The following IGSF21 variants were observed in gnomAD, a reference collection of about 807,000 sequenced individuals.
The protein encoded by IGSF21 is immunoglobulin superfamily member 21.
In IGSF21, 28 loss-of-function variants were observed where a neutral mutation model predicts 46.8. The observed-to-expected ratio is 0.60, with a 90% CI of 0.44 to 0.82. IGSF21 has a LOEUF of 0.82. Ranked by LOEUF, IGSF21 falls within the 40% of genes least tolerant of loss-of-function variation. The pLI is 0.00. For synonymous variants in IGSF21, 284 were observed against 273.6 expected (o/e 1.04, Z -0.38); for missense variants, 624 against 665.5 (o/e 0.94, Z 0.69).
chr1:18,273,039 CTTTTTT>C (rs760448516), intron 2 of IGSF21, among the ~76,000 whole-genome samples: 18 of 80,720 alleles, frequency 2.2e-4, no homozygotes, highest in Admixed American at 1.3e-3. Flanking sequence ...CCAGACGGAT[CTTTTTT>C]TTTTTTTTTT....
At chr1:18,275,878 G>T (rs2085095434) in intron 2 of IGSF21, among the ~76,000 whole-genome samples, 1 of 152,110 alleles carries the variant, frequency 6.6e-6, no homozygotes, top group South Asian at 2.1e-4. Flanking sequence ...GATTCAGGGA[G>T]ACCTCCCACT....
At chr1:18,338,909 G>A (rs1044957471) in intron 4 of IGSF21, among the ~76,000 whole-genome samples, 4 of 152,046 alleles carry the variant, frequency 2.6e-5, no homozygotes, top group Admixed American at 2.6e-4. Flanking sequence ...GGGGGAGGGA[G>A]CGTGTTAAGG....
At chr1:18,167,919 A>C (rs748104947) in intron 1 of IGSF21, among the ~76,000 whole-genome samples, 1 of 152,046 alleles carries the variant, frequency 6.6e-6, no homozygotes, top group Non-Finnish European at 1.5e-5. Context: ...CTCCTCCTGC[A>C]CGTTCCTCAT....
intron 2 of IGSF21, among the ~76,000 whole-genome samples, chr1:18,256,686 T>C (rs1320526922): frequency 6.6e-6 from 1 of 152,210 alleles, no homozygotes; most frequent in Non-Finnish European, 1.5e-5. Flanking sequence ...GGAGGTTCAC[T>C]GGGAAGGCTT....
intron 3 of IGSF21, among the ~76,000 whole-genome samples, chr1:18,329,211 TCA>T (rs904037005): frequency 7.9e-5 from 12 of 152,194 alleles, no homozygotes; most frequent in Admixed American, 7.9e-4. Flanking sequence ...TGCCACCTAC[TCA>T]CTCTATGTAG....
intron 2 of IGSF21, among the ~76,000 whole-genome samples, chr1:18,238,385 A>G (rs945684856): frequency 6.6e-6 from 1 of 152,224 alleles, no homozygotes; most frequent in African/African-American, 2.4e-5. Flanking sequence ...ACCACAGCTC[A>G]GTCAGCCTGG....
At chr1:18,132,161 CTGGATGAA>C (rs2086327104) in intron 1 of IGSF21, among the ~76,000 whole-genome samples, 3 of 94,630 alleles carry the variant, frequency 3.2e-5, no homozygotes, top group African/African-American at 4.1e-5. Context: ...TATCCAATAT[CTGGATGAA>C]TGGATGGATG....
At chr1:18,218,550 A>T (rs909768634) in intron 1 of IGSF21, among the ~76,000 whole-genome samples, 2 of 152,270 alleles carry the variant, frequency 1.3e-5, no homozygotes, top group Admixed American at 6.5e-5. Context: ...TATTTGAAAA[A>T]TCTGAAAAGT....
intron 3 of IGSF21, among the ~76,000 whole-genome samples, chr1:18,298,871 C>T (rs776113851): frequency 2.0e-5 from 3 of 152,178 alleles, no homozygotes; most frequent in Non-Finnish European, 4.4e-5. Context: ...TCCTCCAAGG[C>T]TCAGCTATAT....
At chr1:18,156,678 G>C (rs1439531709) in intron 1 of IGSF21, among the ~76,000 whole-genome samples, 1 of 152,184 alleles carries the variant, frequency 6.6e-6, no homozygotes, top group Non-Finnish European at 1.5e-5. Context: ...AAAGTTAAGG[G>C]AAGATTCCAA....
rs527386482 is a variant in IGSF21, at chr1:18,148,722, C to T, written c.70+40524C>T. ...TTGTGGAGTGAGAGGATGTGTGCCA[C>T]GGTGAGTAAGCATAGACCCTGCCCT... On this transcript the variant is annotated intron_variant, in intron 1 of 9. Transcript: ENST00000251296. Among the ~76,000 whole-genome samples, 22 of 152,280 alleles carry T rather than the reference C, an allele frequency of 1.4e-4. No individual in the cohort carries two copies. The South Asian group carries it at 3.5e-3, about 24-fold the overall frequency.
At chr1:18,265,559 C>G (rs1006891529) in intron 2 of IGSF21, among the ~76,000 whole-genome samples, 1 of 152,164 alleles carries the variant, frequency 6.6e-6, no homozygotes, top group Non-Finnish European at 1.5e-5. Context: ...CCTTGGGGAG[C>G]CCCTTTCTTG....
intron 1 of IGSF21, among the ~76,000 whole-genome samples, chr1:18,147,005 C>T (rs868789837): frequency 8.5e-5 from 13 of 152,196 alleles, no homozygotes; most frequent in African/African-American, 2.7e-4. Flanking sequence ...GGTCCAGGAA[C>T]GAGTTCTGGA....
chr1:18,145,203 A>AT (rs2086454097), intron 1 of IGSF21, among the ~76,000 whole-genome samples: 1 of 113,586 alleles, frequency 8.8e-6, no homozygotes, highest in Non-Finnish European at 1.7e-5. Context: ...TTTATGGAAT[A>AT]TTTTTTAAAA....
intron 2 of IGSF21, among the ~76,000 whole-genome samples, chr1:18,258,944 G>A (rs1184775386): frequency 6.6e-6 from 1 of 152,186 alleles, no homozygotes; most frequent in East Asian, 1.9e-4. Flanking sequence ...TTTGATGGTG[G>A]ACAGAACCAG....
intron 3 of IGSF21, among the ~76,000 whole-genome samples, chr1:18,299,728 C>A (rs1456831450): frequency 6.6e-6 from 1 of 152,200 alleles, no homozygotes; most frequent in Non-Finnish European, 1.5e-5. Flanking sequence ...AGAGTTCATC[C>A]AGGAGTGTGA....
At chr1:18,262,258 G>A (rs1457686536) in intron 2 of IGSF21, among the ~76,000 whole-genome samples, 1 of 152,202 alleles carries the variant, frequency 6.6e-6, no homozygotes, top group African/African-American at 2.4e-5. Context: ...CTTGTTGAGG[G>A]CTGCTTCTGG....
At chr1:18,121,917 G>A (rs1416287261) in intron 1 of IGSF21, among the ~76,000 whole-genome samples, 3 of 152,314 alleles carry the variant, frequency 2.0e-5, no homozygotes, top group East Asian at 1.9e-4. Flanking sequence ...AAGGGGACAC[G>A]TTCTGTAGGC....
chr1:18,347,588 G>A (rs555460044), intron 4 of IGSF21, among the ~76,000 whole-genome samples: 1 of 152,362 alleles, frequency 6.6e-6, no homozygotes, highest in South Asian at 2.1e-4. Context: ...ATAAAAGGAA[G>A]GCTAGAGTTT....
Sources: allele counts gnomAD v4.1 joint callset (sites outside exome capture counted in the v4.1 genomes callset), GRCh38; gene constraint gnomAD v4.1.1; transcripts MANE v1.5; gene names NCBI Gene and HGNC (gene_info 2026-07-23, HGNC 2026-07-21).